KCNK10: variants seen among roughly 807,000 people sequenced by gnomAD.
The protein encoded by KCNK10 is potassium channel subfamily K member 10.
Under a neutral mutation model 47.7 loss-of-function variants are expected in KCNK10, and 25 were observed. The observed-to-expected ratio is 0.52, with a 90% CI of 0.38 to 0.73. The LOEUF (loss-of-function observed/expected upper bound fraction) is 0.73, where lower values mean the gene tolerates loss of function less well. Among genes scored for constraint, KCNK10 ranks in the 30% least tolerant of loss-of-function variants. The pLI is 0.00. For synonymous variants in KCNK10, 303 were observed against 285.6 expected (o/e 1.06, Z -0.61); for missense variants, 563 against 714.5 (o/e 0.79, Z 2.42).
At chr14:88,203,997 C>T (rs1486002423) in intron 4 of KCNK10, among the ~76,000 whole-genome samples, 1 of 152,170 alleles carries the variant, frequency 6.6e-6, no homozygotes, top group Non-Finnish European at 1.5e-5. Flanking sequence ...TTCAGAAGTA[C>T]GATTATCAAC....
chr14:88,306,706 G>C (rs1025489713), intron 1 of KCNK10, among the ~76,000 whole-genome samples: 2 of 152,104 alleles, frequency 1.3e-5, no homozygotes, highest in African/African-American at 4.8e-5. Context: ...GGGGTAGGAG[G>C]GGAGCCAACT....
At chr14:88,221,249 C>T (rs1302642095) in intron 4 of KCNK10, among the ~76,000 whole-genome samples, 1 of 151,196 alleles carries the variant, frequency 6.6e-6, no homozygotes, top group Admixed American at 6.6e-5. Flanking sequence ...TTGCAGTGAG[C>T]CAAGATCATA....
chr14:88,187,439 C>T (rs1884602591), intron 6 of KCNK10, among the ~76,000 whole-genome samples: 1 of 151,992 alleles, frequency 6.6e-6, no homozygotes, highest in Non-Finnish European at 1.5e-5. Flanking sequence ...ACGGCCCTTC[C>T]TCAGGGATGT....
At position 88,323,209 on chromosome 14, in the gene KCNK10, G is replaced by A. The variant is rs1391317243; in HGVS notation, c.-411C>T. The A allele has an allele frequency of 1.9e-6, 2 of 1,033,654 alleles. No homozygotes were observed. The highest frequency in any genetic ancestry group is 3.6e-5 in the South Asian group (1 of 27,730). 64.0% of individuals were successfully genotyped at this position (1,033,654 alleles called of 1,614,324 possible). On this transcript the variant is annotated 5_prime_UTR_variant, in exon 1 of 7. Coordinates refer to ENST00000319231, the MANE Select transcript of KCNK10 (RefSeq NM_138317.3). ...CTGCAGTGTCACTCCAGCCCCCGAA[G>A]GCGTGTGCGCACACACTCCCGCACA...
At chr14:88,315,833 C>T (rs1460840227) in intron 1 of KCNK10, among the ~76,000 whole-genome samples, 5 of 151,978 alleles carry the variant, frequency 3.3e-5, no homozygotes, top group Admixed American at 6.6e-5. Context: ...TTTGCACAAG[C>T]GAGAGCAATT....
At chr14:88,302,436 G>A (rs777691659) in intron 1 of KCNK10, among the ~76,000 whole-genome samples, 24 of 152,206 alleles carry the variant, frequency 1.6e-4, no homozygotes, top group South Asian at 2.1e-4. Context: ...GCGGCCAGGC[G>A]CGGTGGCTTA....
At chr14:88,244,846 G>A (rs953364937) in intron 2 of KCNK10, among the ~76,000 whole-genome samples, 1 of 152,184 alleles carries the variant, frequency 6.6e-6, no homozygotes, top group African/African-American at 2.4e-5. Context: ...CAGACTCAGT[G>A]AGCATCATTT....
At chr14:88,199,646 T>C (rs1885036027) in intron 4 of KCNK10, among the ~76,000 whole-genome samples, 2 of 152,200 alleles carry the variant, frequency 1.3e-5, no homozygotes, top group South Asian at 4.1e-4. Context: ...ACCCATCTCT[T>C]AGCTATGCAG....
chr14:88,220,879 C>A (rs781350229), intron 4 of KCNK10, among the ~76,000 whole-genome samples: 1 of 151,838 alleles, frequency 6.6e-6, no homozygotes, highest in Non-Finnish European at 1.5e-5. Context: ...AAAATTAAAA[C>A]CTCTGCTCTG....
rs1289383601 is a variant in KCNK10, at chr14:88,185,964, C to T, written c.1203G>A (p.Lys401=). 3 of 1,613,770 alleles carry T rather than the reference C, an allele frequency of 1.9e-6. No homozygotes were observed. Among genetic ancestry groups the T allele is most frequent in the East Asian group, 2.2e-5 (1 of 44,866 alleles). ...TGTCCAGGGCAGCAAAGACAGAGCG[C>T]TTCTCGGGGGACAGCATGTCCAGTG... is the stretch of plus-strand genomic sequence containing the variant. The part of the protein sequence containing the change: ...AHSLDMLSPE[K]RSVFAALDTG... Residue 401 remains lysine, a synonymous_variant, in exon 7 of 7, where the codon AAG becomes AAA. Coordinates refer to ENST00000319231, the MANE Select transcript of KCNK10 (RefSeq NM_138317.3). The surrounding 1 kb of genome is among the most constrained non-coding windows in gnomAD (Gnocchi z 4.3).
At chr14:88,298,214 C>G (rs1028078882) in intron 1 of KCNK10, among the ~76,000 whole-genome samples, 1 of 152,144 alleles carries the variant, frequency 6.6e-6, no homozygotes, top group East Asian at 1.9e-4. Context: ...GGACACAGTA[C>G]CCTTGTACAA....
At chr14:88,244,293 T>C (rs541488417) in intron 2 of KCNK10, among the ~76,000 whole-genome samples, 1 of 152,354 alleles carries the variant, frequency 6.6e-6, no homozygotes, top group Admixed American at 6.5e-5. Context: ...TTCTAATTTT[T>C]ATTAATTTTC....
Position 88,322,957 on chromosome 14 carries a change from GA to G in KCNK10, c.-160del. 2 of 1,469,066 alleles carry G rather than the reference GA, an allele frequency of 1.4e-6. No homozygotes were observed. Among genetic ancestry groups the G allele is most frequent in the South Asian group, 2.8e-5 (2 of 71,678 alleles). The allele number at this position is 1,469,066 out of a possible 1,614,324, so 91.0% of individuals were successfully genotyped here. ...AGGAACCCCAGAAAAAGACAGGTGG[GA>G]AAATATTAGCTTGGGGGAGAACTGG... On this transcript the variant is annotated 5_prime_UTR_variant, in exon 1 of 7. Coordinates refer to ENST00000319231, the MANE Select transcript of KCNK10 (RefSeq NM_138317.3). The surrounding 1 kb of genome is among the most constrained non-coding windows in gnomAD (Gnocchi z 4.8).
At position 88,187,861 on chromosome 14, in the gene KCNK10, C is replaced by T. The variant is rs1383911180; in HGVS notation, c.1011+106G>A. On this transcript the variant is annotated intron_variant, in intron 6 of 6. Transcript: ENST00000319231. ...TATGACCCGCCCCCCGCTCCCCCTGCAAAACCGAGCCAGAAACACTCCAGC... is the reference window on the plus strand; with the variant it reads ...TATGACCCGCCCCCCGCTCCCCCTGTAAAACCGAGCCAGAAACACTCCAGC... 4 of 1,324,802 alleles carry T rather than the reference C, an allele frequency of 3.0e-6. No homozygotes were observed. In the African/African-American group the frequency reaches 5.8e-5, roughly 19 times the overall value. 82.1% of individuals were successfully genotyped at this position (1,324,802 alleles called of 1,614,324 possible).
intron 2 of KCNK10, among the ~76,000 whole-genome samples, chr14:88,245,309 C>T (rs1886600066): frequency 6.6e-6 from 1 of 152,044 alleles, no homozygotes. Flanking sequence ...GATTCTGTGC[C>T]CCTCTTTCTC....
At chr14:88,238,736 G>T (rs1886367221) in intron 3 of KCNK10, among the ~76,000 whole-genome samples, 1 of 152,186 alleles carries the variant, frequency 6.6e-6, no homozygotes, top group South Asian at 2.1e-4. Flanking sequence ...TGGCAGAAGA[G>T]ACTTAGCTGT....
intron 4 of KCNK10, among the ~76,000 whole-genome samples, chr14:88,212,103 A>C (rs1595083341): frequency 9.9e-6 from 1 of 100,914 alleles, no homozygotes; most frequent in Non-Finnish European, 2.1e-5. Flanking sequence ...ACTAACTGAT[A>C]GTGAGAATAT....
intron 4 of KCNK10, among the ~76,000 whole-genome samples, chr14:88,208,961 C>T (rs1218494879): frequency 6.6e-6 from 1 of 152,138 alleles, no homozygotes. Flanking sequence ...CAAGCATTCC[C>T]CAGGCTCGTA....
At chr14:88,217,632 G>A (rs1885664581) in intron 4 of KCNK10, among the ~76,000 whole-genome samples, 1 of 152,026 alleles carries the variant, frequency 6.6e-6, no homozygotes, top group African/African-American at 2.4e-5. Context: ...CTAGCTTACT[G>A]CAGTGTCAAC....
Sources: allele counts gnomAD v4.1 joint callset (sites outside exome capture counted in the v4.1 genomes callset), GRCh38; gene constraint gnomAD v4.1.1; non-coding constraint Gnocchi (gnomAD v3.1); transcripts MANE v1.5; gene names NCBI Gene and HGNC (gene_info 2026-07-23, HGNC 2026-07-21).